The following CAMKMT variants were observed in gnomAD, a reference collection of about 807,000 sequenced individuals.
The protein encoded by CAMKMT is CaM KMT.
Under a neutral mutation model 48.0 loss-of-function variants are expected in CAMKMT, and 53 were observed. That is an observed-to-expected ratio of 1.10 (90% CI 0.89 to 1.39). The LOEUF is 1.39. Ranked by LOEUF, CAMKMT falls within the 40% of genes most tolerant of loss-of-function variation. The pLI is 0.00. For missense variants in CAMKMT, 428 were observed against 402.7 expected (o/e 1.06, Z -0.54); for synonymous variants, 165 against 152.3 (o/e 1.08, Z -0.61).
chr2:44,728,290 A>AT (rs1478521222), intron 7 of CAMKMT, among the ~76,000 whole-genome samples: 1 of 152,006 alleles, frequency 6.6e-6, no homozygotes, highest in East Asian at 1.9e-4. Context: ...TGGGGTATTA[A>AT]TTTTTTGATC....
chr2:44,576,276 C>T lies in CAMKMT; in HGVS notation c.377-128007C>T, dbSNP rs1041975154. Among the ~76,000 whole-genome samples the T allele has an allele frequency of 4.7e-5, 7 of 148,158 alleles. No individual in the cohort carries two copies. In the East Asian group the frequency reaches 5.9e-4, roughly 13 times the overall value. ...CCAGGAAGCAGAGGTTGCAGTGAGC[C>T]GAGATTGCGTCATTGCACTCCAGCT... On this transcript the variant is annotated intron_variant, in intron 3 of 10. Transcript: ENST00000378494.
At chr2:44,654,019 C>A (rs2104049953) in intron 3 of CAMKMT, among the ~76,000 whole-genome samples, 1 of 152,234 alleles carries the variant, frequency 6.6e-6, no homozygotes, top group South Asian at 2.1e-4. Flanking sequence ...TGACTCTGGA[C>A]AAATAATTCA....
intron 6 of CAMKMT, among the ~76,000 whole-genome samples, chr2:44,708,887 C>G (rs1677717317): frequency 6.6e-6 from 1 of 151,594 alleles, no homozygotes; most frequent in African/African-American, 2.4e-5. Flanking sequence ...AGCTTGGGCC[C>G]GGTAACCTAA....
chr2:44,362,384 C>T (rs1488884272), intron 1 of CAMKMT, among the ~76,000 whole-genome samples: 7 of 152,124 alleles, frequency 4.6e-5, no homozygotes, highest in Non-Finnish European at 1.0e-4. Context: ...AAACTCAGAT[C>T]GAAGTAGAAG....
chr2:44,533,407 T>A (rs142566121), intron 3 of CAMKMT, among the ~76,000 whole-genome samples: 4,327 of 151,848 alleles, frequency 0.028, 198 homozygotes, highest in African/African-American at 0.099. Flanking sequence ...CCCAGCTGAT[T>A]TTTGTATTTT....
At chr2:44,544,158 A>G (rs1667270935) in intron 3 of CAMKMT, among the ~76,000 whole-genome samples, 1 of 151,956 alleles carries the variant, frequency 6.6e-6, no homozygotes, top group Non-Finnish European at 1.5e-5. Context: ...TATTATGTTA[A>G]ATACATCCCA....
At chr2:44,474,376 G>T (rs1318257839) in intron 3 of CAMKMT, among the ~76,000 whole-genome samples, 1 of 151,012 alleles carries the variant, frequency 6.6e-6, no homozygotes, top group African/African-American at 2.4e-5. Context: ...GAACCCAGGA[G>T]ATGGAGGTTG....
chr2:44,478,294 CTA>C, intron 3 of CAMKMT, among the ~76,000 whole-genome samples: 2 of 152,080 alleles, frequency 1.3e-5, no homozygotes, highest in South Asian at 4.1e-4. Context: ...TGTTCTAAGT[CTA>C]TATATTTTTT....
At chr2:44,674,156 C>T (rs1226683001) in intron 3 of CAMKMT, among the ~76,000 whole-genome samples, 2 of 152,196 alleles carry the variant, frequency 1.3e-5, no homozygotes, top group Non-Finnish European at 2.9e-5. Flanking sequence ...CAGGATACCT[C>T]ATTACTTCAT....
chr2:44,725,283 T>C (rs1273872724), intron 7 of CAMKMT, among the ~76,000 whole-genome samples: 1 of 152,120 alleles, frequency 6.6e-6, no homozygotes, highest in Non-Finnish European at 1.5e-5. Context: ...TTGCCTAAAA[T>C]ATTTTACTAA....
rs946257650 is a variant in CAMKMT at position 44,390,166 on chromosome 2, C to T, written c.312-75C>T. The T allele has an allele frequency of 4.8e-6, 5 of 1,052,276 alleles. No homozygotes were observed. In the Admixed American group the frequency reaches 9.9e-5, roughly 21 times the overall value. 65.2% of individuals were successfully genotyped at this position (1,052,276 alleles called of 1,614,324 possible). Reference sequence around the variant, plus strand: ...TTGGGTATACCATAATATACAGTCTCAGTCTCAGCTTTTTTGAATACTAAA... The same window carrying T: ...TTGGGTATACCATAATATACAGTCTTAGTCTCAGCTTTTTTGAATACTAAA... On this transcript the variant is annotated intron_variant, in intron 2 of 10. Transcript: ENST00000378494.
At chr2:44,627,553 A>G (rs376591008) in intron 3 of CAMKMT, among the ~76,000 whole-genome samples, 1 of 152,078 alleles carries the variant, frequency 6.6e-6, no homozygotes, top group Non-Finnish European at 1.5e-5. Context: ...TCACAGATTC[A>G]ATTAAATAGA....
At chr2:44,666,542 C>T (rs982457555) in intron 3 of CAMKMT, among the ~76,000 whole-genome samples, 6 of 151,938 alleles carry the variant, frequency 3.9e-5, no homozygotes, top group East Asian at 3.9e-4. Flanking sequence ...GAAGCCACCA[C>T]GTTCTCCAGT....
chr2:44,735,803 C>G (rs1170088368), intron 7 of CAMKMT, among the ~76,000 whole-genome samples: 1 of 151,896 alleles, frequency 6.6e-6, no homozygotes, highest in Non-Finnish European at 1.5e-5. Flanking sequence ...ATTCCAGCTA[C>G]TCGGGAGGCT....
Position 44,657,129 on chromosome 2 carries a change from A to G in CAMKMT, c.377-47154A>G, listed in dbSNP as rs1280254283. ...GCTAATTTGTTCTAATGTGCTGGTC[A>G]GAGTGCAGCCCCACCTGAAATCCAG... On this transcript the variant is annotated intron_variant, in intron 3 of 10. Coordinates refer to ENST00000378494, the MANE Select transcript of CAMKMT (RefSeq NM_024766.5). The surrounding 1 kb of genome is among the most constrained non-coding windows in gnomAD (Gnocchi z 4.3). Among the ~76,000 whole-genome samples, 3 of 152,222 alleles carry G rather than the reference A, an allele frequency of 2.0e-5. No homozygotes were observed. Among genetic ancestry groups the G allele is most frequent in the Non-Finnish European group, 2.9e-5 (2 of 68,044 alleles).
intron 3 of CAMKMT, among the ~76,000 whole-genome samples, chr2:44,508,637 G>T (rs1443209818): frequency 6.6e-6 from 1 of 152,154 alleles, no homozygotes; most frequent in African/African-American, 2.4e-5. Context: ...GTAGTAAAAG[G>T]AAAGTTTGGC....
chr2:44,498,129 TGA>T (rs1669845512), intron 3 of CAMKMT, among the ~76,000 whole-genome samples: 2 of 152,168 alleles, frequency 1.3e-5, no homozygotes, highest in African/African-American at 4.8e-5. Context: ...ATGTGTCTAT[TGA>T]GAGAGATCCA....
At chr2:44,414,571 C>G (rs936630651) in intron 3 of CAMKMT, among the ~76,000 whole-genome samples, 1 of 152,106 alleles carries the variant, frequency 6.6e-6, no homozygotes, top group Non-Finnish European at 1.5e-5. Context: ...AGTGGACACC[C>G]AAGATGAGAG....
chr2:44,636,854 G>A (rs1198372367), intron 3 of CAMKMT, among the ~76,000 whole-genome samples: 1 of 152,126 alleles, frequency 6.6e-6, no homozygotes, highest in Non-Finnish European at 1.5e-5. Flanking sequence ...TTTGTTCCCT[G>A]TCTAAATACT....
Sources: gnomAD v4.1 joint callset for allele counts (sites outside exome capture counted in the v4.1 genomes callset) on GRCh38, gnomAD v4.1.1 for gene constraint, Gnocchi (gnomAD v3.1) non-coding constraint, MANE v1.5 for transcripts, NCBI Gene and HGNC (gene_info 2026-07-23, HGNC 2026-07-21) for gene names.